KLHL3: variants seen among roughly 807,000 people sequenced by gnomAD.
KLHL3 encodes kelch-like protein 3.
KLHL3 carries 19 observed loss-of-function variants against 70.5 expected under a neutral mutation model. That is an observed-to-expected ratio of 0.27 (90% CI 0.19 to 0.40). The LOEUF (loss-of-function observed/expected upper bound fraction) is 0.40, where lower values mean the gene tolerates loss of function less well. KLHL3 is among the 10% of genes least tolerant of loss of function. The pLI is 1.00. For synonymous variants in KLHL3, 258 were observed against 290.3 expected (o/e 0.89, Z 1.13); for missense variants, 512 against 771.1 (o/e 0.66, Z 3.98).
chr5:137,643,802 C>T (rs751452610), intron 8 of KLHL3, among the ~76,000 whole-genome samples: 1 of 152,082 alleles, frequency 6.6e-6, no homozygotes, highest in African/African-American at 2.4e-5. Flanking sequence ...ACTATAGTCA[C>T]CCTACTGTGT....
intron 5 of KLHL3, among the ~76,000 whole-genome samples, chr5:137,689,114 A>G (rs1752256384): frequency 6.6e-6 from 1 of 152,232 alleles, no homozygotes; most frequent in South Asian, 2.1e-4. Context: ...AGAAATGCAC[A>G]TCAAAACTAC....
Position 137,639,592 on chromosome 5 carries a change from G to A in KLHL3, c.1021+268C>T, listed in dbSNP as rs1750858024. Among the ~76,000 whole-genome samples the A allele has an allele frequency of 6.6e-6, 1 of 151,960 alleles. No homozygotes were observed. The highest frequency in any genetic ancestry group is 1.5e-5 in the Non-Finnish European group (1 of 68,012). ...GCCTGTAATCCCAGCTACTTGGAAG[G>A]CTGAGGTGAGAGAATCACTTGAACC... On this transcript the variant is annotated intron_variant, in intron 9 of 14. Coordinates refer to ENST00000309755, the MANE Select transcript of KLHL3 (RefSeq NM_017415.3). This position sits in a 1 kb window ranked among gnomAD's most constrained non-coding sequence, Gnocchi z 5.0.
Position 137,692,418 on chromosome 5 carries a change from C to G in KLHL3, c.393G>C (p.Gln131His). ...AGCAGTTCTGCCGAACATCCATGAG[C>G]TGCAGCAAGCTGGCTGCCGGGAGCA... ...QVLLPAASLL[Q>H]LMDVRQNCCD... Residue 131 changes from glutamine (Q) to histidine (H), a missense_variant, in exon 5 of 15, where the codon CAG becomes CAC. Transcript: ENST00000309755. 6.2e-7 allele frequency: 1 copy of G among 1,614,050 alleles called. No homozygotes were observed. The highest frequency in any genetic ancestry group is 8.5e-7 in the Non-Finnish European group (1 of 1,180,044).
At chr5:137,653,554 A>G (rs1043018051) in intron 8 of KLHL3, among the ~76,000 whole-genome samples, 4 of 152,226 alleles carry the variant, frequency 2.6e-5, no homozygotes, top group African/African-American at 9.6e-5. Context: ...ATAGTGAGAT[A>G]CTACCACAGA....
chr5:137,698,719 G>C (rs1752502141), intron 3 of KLHL3, among the ~76,000 whole-genome samples: 1 of 152,118 alleles, frequency 6.6e-6, no homozygotes, highest in Non-Finnish European at 1.5e-5. Context: ...CCATATACAA[G>C]GCCAGAAAAA....
At chr5:137,691,671 C>T (rs915660642) in intron 5 of KLHL3, among the ~76,000 whole-genome samples, 8 of 150,908 alleles carry the variant, frequency 5.3e-5, no homozygotes, top group Admixed American at 1.3e-4. Context: ...AGTGCAGTGG[C>T]GAAATCTCGG....
At chr5:137,638,868 T>C in intron 10 of KLHL3, 85 bp downstream of exon 10, 1 of 1,291,430 alleles carries the variant, frequency 7.7e-7, no homozygotes, top group Non-Finnish European at 1.1e-6. Context: ...GACAGAAAGT[T>C]GGTCCAGAAC....
chr5:137,720,518 A>C lies in KLHL3; in HGVS notation c.81T>G (p.Thr27=). 6.2e-7 allele frequency: 1 copy of C among 1,614,168 alleles called. No individual in the cohort carries two copies. The change falls in exon 2 of 15, where the codon ACT becomes ACG. Residue 27 remains threonine (T), a synonymous_variant. Transcript: ENST00000309755. ...GDDEKNQRTI[T]VNPAHMGKAF... is the part of the protein sequence containing the mutation. ...CTTTCCCCATGTGGGCAGGGTTGACAGTGATCGTCCTCTGGTTCTTCTCAT... is the reference window on the plus strand; with the variant it reads ...CTTTCCCCATGTGGGCAGGGTTGACCGTGATCGTCCTCTGGTTCTTCTCAT...
intron 1 of KLHL3, among the ~76,000 whole-genome samples, chr5:137,728,900 A>C (rs759397155): frequency 7.9e-5 from 12 of 151,934 alleles, no homozygotes; most frequent in Non-Finnish European, 1.3e-4. Context: ...ACAGGTACTA[A>C]TCTGTACAAC....
intron 8 of KLHL3, among the ~76,000 whole-genome samples, chr5:137,655,545 G>C (rs917585212): frequency 3.9e-5 from 6 of 152,094 alleles, no homozygotes; most frequent in African/African-American, 1.4e-4. Context: ...GCAAAAGATA[G>C]ATCAATTTGA....
chr5:137,696,334 G>A (rs1318600809), intron 4 of KLHL3, among the ~76,000 whole-genome samples: 1 of 56,214 alleles, frequency 1.8e-5, no homozygotes. Flanking sequence ...AGGAAAAGAG[G>A]TGGGGGGGTA....
intron 13 of KLHL3, among the ~76,000 whole-genome samples, chr5:137,627,181 TATC>T (rs961560882): frequency 5.3e-5 from 8 of 152,236 alleles, no homozygotes; most frequent in South Asian, 2.1e-4. Flanking sequence ...TTTAAAATAA[TATC>T]ATATAAATAA....
In KLHL3 at chr5:137,728,744, G is replaced by T. The variant is rs770863744; in HGVS notation, c.14+6889C>A. Among the ~76,000 whole-genome samples, 9 of 152,190 alleles carry T rather than the reference G, an allele frequency of 5.9e-5. No homozygotes were observed. In the East Asian group the frequency reaches 1.7e-3, roughly 29 times the overall value. The stretch of plus-strand genomic sequence containing the variant: ...GCAGGCTGATTGTGCAGCAATGTTT[G>T]GGGGAATCCAACAAATGAGGAGCTC... On this transcript the variant is annotated intron_variant, in intron 1 of 14. Coordinates refer to ENST00000309755, the MANE Select transcript of KLHL3 (RefSeq NM_017415.3).
chr5:137,696,823 G>C (rs1182265762), intron 4 of KLHL3, among the ~76,000 whole-genome samples: 1 of 152,156 alleles, frequency 6.6e-6, no homozygotes, highest in Non-Finnish European at 1.5e-5. Flanking sequence ...AAATTGAATG[G>C]AATAATGCAT....
intron 3 of KLHL3, among the ~76,000 whole-genome samples, chr5:137,705,239 A>G (rs1055913822): frequency 1.1e-4 from 17 of 152,314 alleles, no homozygotes; most frequent in African/African-American, 3.8e-4. Context: ...ATACCACACA[A>G]ACACTAGAAC....
At chr5:137,714,684 A>G (rs1257700366) in intron 2 of KLHL3, among the ~76,000 whole-genome samples, 2 of 152,192 alleles carry the variant, frequency 1.3e-5, no homozygotes, top group Non-Finnish European at 2.9e-5. Context: ...CAGCGTTTCT[A>G]TTTAGGGTGA....
chr5:137,720,881 C>T (rs1449569510), intron 1 of KLHL3: 2 of 1,165,012 alleles, frequency 1.7e-6, no homozygotes, highest in Admixed American at 4.2e-5. Flanking sequence ...GGACTAAGCA[C>T]TCTATCACTC....
rs537674054 is a variant in KLHL3, at chr5:137,620,516, A to G, written c.*1582T>C. 2.0e-5 allele frequency: 3 copies of G among 152,184 alleles called. No individual in the cohort carries two copies. The East Asian group carries it at 5.8e-4, about 29-fold the overall frequency. 9.4% of individuals were successfully genotyped at this position (152,184 alleles called of 1,614,324 possible). ...CTGTAGGTGGATTCTCAAAGTAGGG[A>G]GGGTGTCCCAGACTGCAAGGTATGA... On this transcript the variant is annotated 3_prime_UTR_variant, in exon 15 of 15. Transcript: ENST00000309755.
At chr5:137,629,384 TCTC>T (rs1750571520) in intron 12 of KLHL3, 1 of 152,104 alleles carries the variant, frequency 6.6e-6, no homozygotes, top group African/African-American at 2.4e-5. Flanking sequence ...ACCACAGACT[TCTC>T]CACTCCATGG....
Sources: allele counts gnomAD v4.1 joint callset (sites outside exome capture counted in the v4.1 genomes callset), GRCh38; gene constraint gnomAD v4.1.1; non-coding constraint Gnocchi (gnomAD v3.1); transcripts MANE v1.5; gene names NCBI Gene and HGNC (gene_info 2026-07-23, HGNC 2026-07-21).